Variants in NARS2 observed in about 807,000 individuals in gnomAD.
The protein encoded by NARS2 is asparaginyl-tRNA synthetase 2, mitochondrial.
Under a neutral mutation model 62.9 loss-of-function variants are expected in NARS2, and 60 were observed. That is an observed-to-expected ratio of 0.95 (90% CI 0.77 to 1.18). NARS2 has a LOEUF of 1.18. Among genes scored for constraint, NARS2 ranks in the 50% most tolerant of loss-of-function variants. The pLI is 0.00. For missense variants in NARS2, 619 were observed against 576.4 expected (o/e 1.07, Z -0.76); for synonymous variants, 196 against 200.0 (o/e 0.98, Z 0.17).
intron 6 of NARS2, among the ~76,000 whole-genome samples, chr11:78,507,872 G>T (rs993466917): frequency 2.9e-5 from 2 of 68,778 alleles, no homozygotes; most frequent in African/African-American, 7.4e-5. Flanking sequence ...ATAAAAATAT[G>T]ACCCAGAGGG....
intron 5 of NARS2, among the ~76,000 whole-genome samples, chr11:78,541,529 T>C (rs10793325): frequency 0.68 from 103,969 of 151,850 alleles, 37,395 homozygotes; most frequent in Non-Finnish European, 0.81. Flanking sequence ...TAGTCTCTCC[T>C]AAGTATGAAA....
In NARS2 at chr11:78,466,004, C is replaced by G. The variant is rs1858605476; in HGVS notation, c.1036G>C (p.Asp346His). ...NFTFTPEWGA[D>H]LRTEHEKYLV... Reference sequence around the variant, plus strand: ...TACTTTTCATGTTCAGTCCGTAGGTCAGCACCCCACTGTAATGAGAAGAAA... The same window carrying G: ...TACTTTTCATGTTCAGTCCGTAGGTGAGCACCCCACTGTAATGAGAAGAAA... The change falls in exon 11 of 14, where the codon GAC becomes CAC. Residue 346 changes from aspartate to histidine, a missense_variant. Coordinates refer to ENST00000281038, the MANE Select transcript of NARS2 (RefSeq NM_024678.6). 6.2e-7 allele frequency: 1 copy of G among 1,603,384 alleles called. No individual in the cohort carries two copies. The highest frequency in any genetic ancestry group is 1.1e-5 in the South Asian group (1 of 89,390).
At chr11:78,488,399 C>T (rs893424754) in intron 7 of NARS2, among the ~76,000 whole-genome samples, 1 of 152,118 alleles carries the variant, frequency 6.6e-6, no homozygotes, top group African/African-American at 2.4e-5. Flanking sequence ...TGATACCTTG[C>T]TGGTTTTTAA....
intron 6 of NARS2, among the ~76,000 whole-genome samples, chr11:78,500,863 C>G (rs887889028): frequency 6.6e-6 from 1 of 152,106 alleles, no homozygotes; most frequent in Non-Finnish European, 1.5e-5. Flanking sequence ...AAGGCCGAGG[C>G]GGGTGGATCT....
At chr11:78,560,320 A>C (rs905740279) in intron 4 of NARS2, among the ~76,000 whole-genome samples, 3 of 152,106 alleles carry the variant, frequency 2.0e-5, no homozygotes, top group African/African-American at 7.2e-5. Flanking sequence ...GAGGTCCCCA[A>C]ATGGAGCTCT....
intron 2 of NARS2, among the ~76,000 whole-genome samples, chr11:78,570,701 G>A (rs948673276): frequency 6.6e-6 from 1 of 152,196 alleles, no homozygotes; most frequent in African/African-American, 2.4e-5. Flanking sequence ...TTTAAAACCT[G>A]ATGAATGAGA....
chr11:78,468,320 A>AG (rs1255931675), intron 10 of NARS2, among the ~76,000 whole-genome samples: 3 of 149,272 alleles, frequency 2.0e-5, no homozygotes, highest in South Asian at 2.1e-4. Flanking sequence ...GAAAAAAAAA[A>AG]AAAAAAAAGA....
At chr11:78,555,568 T>C (rs1304620482) in intron 5 of NARS2, among the ~76,000 whole-genome samples, 2 of 152,180 alleles carry the variant, frequency 1.3e-5, no homozygotes. Flanking sequence ...TGTGTTTATT[T>C]GATCTTCTCT....
At chr11:78,500,847 C>A (rs1860254000) in intron 6 of NARS2, among the ~76,000 whole-genome samples, 1 of 152,164 alleles carries the variant, frequency 6.6e-6, no homozygotes, top group Non-Finnish European at 1.5e-5. Context: ...AATCCAAACA[C>A]TTTGGAAGGC....
intron 11 of NARS2, among the ~76,000 whole-genome samples, chr11:78,456,077 T>A (rs151238218): frequency 2.6e-5 from 4 of 152,296 alleles, no homozygotes; most frequent in South Asian, 4.1e-4. Flanking sequence ...AGTGAGACAA[T>A]ATAAATAATT....
intron 6 of NARS2, among the ~76,000 whole-genome samples, chr11:78,502,926 G>A (rs1182731162): frequency 5.4e-5 from 8 of 148,348 alleles, no homozygotes; most frequent in South Asian, 2.1e-4. Context: ...CCCAGGAGGC[G>A]GAGGTTGCAG....
At chr11:78,501,824 T>C (rs2135357565) in intron 6 of NARS2, among the ~76,000 whole-genome samples, 1 of 152,314 alleles carries the variant, frequency 6.6e-6, no homozygotes, top group Admixed American at 6.5e-5. Context: ...ACCCAACTAT[T>C]TCCTCCTGAA....
rs923431408 is a variant in NARS2, at chr11:78,549,277, C to A, written c.594+10262G>T. The stretch of plus-strand genomic sequence containing the variant: ...GGCTGCTGCCTCTTGCTCCACTGAA[C>A]ACTCAGCTCCTAAATCAGGAGGTCT... On this transcript the variant is annotated intron_variant, in intron 5 of 13. Transcript: ENST00000281038. Among the ~76,000 whole-genome samples the A allele has an allele frequency of 5.3e-5, 8 of 152,346 alleles. No homozygotes were observed. The East Asian group carries it at 1.5e-3, about 29-fold the overall frequency.
intron 4 of NARS2, among the ~76,000 whole-genome samples, chr11:78,563,303 C>T (rs1020945081): frequency 2.0e-5 from 3 of 150,324 alleles, no homozygotes; most frequent in Admixed American, 6.6e-5. Flanking sequence ...CTGCAACCTC[C>T]GCCTCCCGGA....
At chr11:78,481,125 T>C (rs1859336745) in intron 7 of NARS2, among the ~76,000 whole-genome samples, 2 of 152,286 alleles carry the variant, frequency 1.3e-5, no homozygotes, top group East Asian at 3.9e-4. Context: ...CTGGCCTAAC[T>C]TTTTATTTCA....
rs749129005 is a variant in NARS2 at position 78,571,339 on chromosome 11, T to C, written c.247A>G (p.Ser83Gly). The change falls in exon 2 of 14, where the codon AGT becomes GGT. Residue 83 changes from serine to glycine, a missense_variant. Transcript: ENST00000281038. Reference sequence around the variant, plus strand: ...CTTTTAAAAAACAAAACTCACCTACTGTCAAGGCCTGAATCTGCAACAACC... The same window carrying C: ...CTTTTAAAAAACAAAACTCACCTACCGTCAAGGCCTGAATCTGCAACAACC... The part of the protein sequence containing the change: ...LQVVADSGLD[S>G]RELNFGSSVE... 10 of 1,607,068 alleles carry C rather than the reference T, an allele frequency of 6.2e-6. No individual in the cohort carries two copies. Among genetic ancestry groups the C allele is most frequent in the South Asian group, 1.1e-5 (1 of 90,892 alleles).
At chr11:78,438,079 A>AAGT (rs958412765) in intron 13 of NARS2, among the ~76,000 whole-genome samples, 2 of 152,104 alleles carry the variant, frequency 1.3e-5, no homozygotes, top group Non-Finnish European at 2.9e-5. Context: ...CGTAAGCAAC[A>AAGT]TAACTTGTAG....
chr11:78,519,108 G>A (rs1324870015), intron 6 of NARS2, among the ~76,000 whole-genome samples: 5 of 152,178 alleles, frequency 3.3e-5, no homozygotes, highest in Admixed American at 3.3e-4. Context: ...CTTATAAGCA[G>A]ATGGGAAGTC....
At chr11:78,443,178 T>A (rs985166375) in intron 12 of NARS2, among the ~76,000 whole-genome samples, 2 of 151,784 alleles carry the variant, frequency 1.3e-5, no homozygotes, top group Admixed American at 6.6e-5. Context: ...TACAAAAAAT[T>A]AGCCGGGCGT....
Sources: gnomAD v4.1 joint callset for allele counts (sites outside exome capture counted in the v4.1 genomes callset) on GRCh38, gnomAD v4.1.1 for gene constraint, MANE v1.5 for transcripts, NCBI Gene and HGNC (gene_info 2026-07-23, HGNC 2026-07-21) for gene names.